KANSL1L: variants seen among roughly 807,000 people sequenced by gnomAD.
KANSL1L encodes KAT8 regulatory NSL complex subunit 1-like protein.
A neutral mutation model predicts 108.6 loss-of-function variants in KANSL1L; 25 were observed. The ratio of observed to expected loss-of-function variants is 0.23; its 90% CI spans 0.17 to 0.32. The LOEUF is 0.32. Ranked by LOEUF, KANSL1L falls within the 10% of genes least tolerant of loss-of-function variation. The probability of loss-of-function intolerance (pLI) is 1.00; values close to 1 mark genes in which losing one functional copy is unlikely to be tolerated. For missense variants in KANSL1L, 1,137 were observed against 1,125.7 expected (o/e 1.01, Z -0.14); for synonymous variants, 405 against 395.1 (o/e 1.03, Z -0.30).
At chr2:210,118,848 GAA>G (rs199816567) in intron 3 of KANSL1L, among the ~76,000 whole-genome samples, 17 of 120,590 alleles carry the variant, frequency 1.4e-4, no homozygotes, top group East Asian at 2.3e-4. Context: ...TGTCTCAAGA[GAA>G]AAAAAAAAAA....
At chr2:210,098,946 G>T (rs1306436250) in intron 4 of KANSL1L, among the ~76,000 whole-genome samples, 1 of 151,028 alleles carries the variant, frequency 6.6e-6, no homozygotes, top group African/African-American at 2.4e-5. Flanking sequence ...ATAAGCAAAG[G>T]CCACATAAAA....
At chr2:210,127,798 C>CAAAAAAAAA (rs55979027) in intron 3 of KANSL1L, among the ~76,000 whole-genome samples, 7 of 28,130 alleles carry the variant, frequency 2.5e-4, no homozygotes, top group East Asian at 1.0e-3. Flanking sequence ...GACTCTGCCT[C>CAAAAAAAAA]AAAAAAAAAA....
chr2:210,057,144 G>A (rs2094360402), intron 6 of KANSL1L, among the ~76,000 whole-genome samples: 1 of 152,164 alleles, frequency 6.6e-6, no homozygotes, highest in South Asian at 2.1e-4. Context: ...TTTCACACCT[G>A]TAATCCCAGC....
At position 210,044,435 on chromosome 2, in the gene KANSL1L, AG is replaced by A. The variant is rs1198674551; in HGVS notation, c.1756-332del. Among the ~76,000 whole-genome samples, 3 of 151,680 alleles carry A rather than the reference AG, an allele frequency of 2.0e-5. No homozygotes were observed. Among genetic ancestry groups the A allele is most frequent in the Non-Finnish European group, 2.9e-5 (2 of 67,956 alleles). On this transcript the variant is annotated intron_variant, in intron 6 of 14. Transcript: ENST00000281772. This position sits in a 1 kb window ranked among gnomAD's most constrained non-coding sequence, Gnocchi z 4.2. ...GTAATTTTTTTCCTTCAATCCTACTAGTTTTTTTTTTAGGGAGTTCCAACCA... is the reference window on the plus strand; with the variant it reads ...GTAATTTTTTTCCTTCAATCCTACTATTTTTTTTTTAGGGAGTTCCAACCA...
intron 1 of KANSL1L, among the ~76,000 whole-genome samples, chr2:210,163,639 C>A (rs558125511): frequency 1.2e-4 from 18 of 151,974 alleles, no homozygotes; most frequent in Non-Finnish European, 2.4e-4. Flanking sequence ...ATGTCAGACA[C>A]CAAACCACAT....
chr2:210,067,641 G>A (rs1210735082), intron 6 of KANSL1L, among the ~76,000 whole-genome samples: 1 of 146,980 alleles, frequency 6.8e-6, no homozygotes, highest in Non-Finnish European at 1.5e-5. Context: ...AGCCCTGGAG[G>A]TTGAGGCTGC....
chr2:210,053,822 T>C (rs548596699), intron 6 of KANSL1L, among the ~76,000 whole-genome samples: 1 of 152,064 alleles, frequency 6.6e-6, no homozygotes, highest in South Asian at 2.1e-4. Context: ...TATATATGTA[T>C]ATATCAGAAA....
At chr2:210,094,096 C>T (rs914395463) in intron 5 of KANSL1L, among the ~76,000 whole-genome samples, 10 of 151,988 alleles carry the variant, frequency 6.6e-5, no homozygotes, top group Middle Eastern at 3.4e-3. Context: ...TATAGAGTTT[C>T]AGTTTGAGAA....
intron 5 of KANSL1L, among the ~76,000 whole-genome samples, chr2:210,076,006 C>T (rs962419308): frequency 6.6e-6 from 1 of 152,038 alleles, no homozygotes; most frequent in African/African-American, 2.4e-5. Flanking sequence ...TTAGAAAATG[C>T]TCATGAGTTT....
At chr2:210,080,829 G>C (rs2094583872) in intron 5 of KANSL1L, among the ~76,000 whole-genome samples, 1 of 151,806 alleles carries the variant, frequency 6.6e-6, no homozygotes, top group Non-Finnish European at 1.5e-5. Flanking sequence ...GCTTGTGGCT[G>C]GGCATGGTGG....
chr2:210,053,566 T>C (rs767976217), intron 6 of KANSL1L, among the ~76,000 whole-genome samples: 3 of 152,006 alleles, frequency 2.0e-5, no homozygotes, highest in Non-Finnish European at 4.4e-5. Flanking sequence ...CACTGCACTC[T>C]AGCGTGGGAA....
intron 6 of KANSL1L, among the ~76,000 whole-genome samples, chr2:210,070,071 C>T (rs929143851): frequency 2.6e-5 from 4 of 151,062 alleles, no homozygotes; most frequent in Non-Finnish European, 5.9e-5. Context: ...TCAAATGATC[C>T]GCCTTCCTCA....
chr2:210,124,418 C>T (rs1247487662), intron 3 of KANSL1L, among the ~76,000 whole-genome samples: 1 of 151,402 alleles, frequency 6.6e-6, no homozygotes, highest in Non-Finnish European at 1.5e-5. Flanking sequence ...GTAGAAATTA[C>T]AAGAAAAATT....
chr2:210,129,742 C>T (rs1015551213), intron 2 of KANSL1L, among the ~76,000 whole-genome samples: 2 of 151,774 alleles, frequency 1.3e-5, no homozygotes, highest in Admixed American at 1.3e-4. Context: ...ATAAGCATAC[C>T]AAATATATAG....
chr2:210,092,706 T>C (rs2094702534), intron 5 of KANSL1L, among the ~76,000 whole-genome samples: 1 of 152,234 alleles, frequency 6.6e-6, no homozygotes, highest in Non-Finnish European at 1.5e-5. Context: ...TGTTTGATTA[T>C]ATTTGCCTGT....
intron 8 of KANSL1L, among the ~76,000 whole-genome samples, chr2:210,036,286 A>G (rs2094102820): frequency 6.6e-6 from 1 of 152,076 alleles, no homozygotes; most frequent in South Asian, 2.1e-4. Context: ...GGCTCAAGCA[A>G]TCCTCCTGCT....
chr2:210,093,017 T>A (rs2094705864), intron 5 of KANSL1L, among the ~76,000 whole-genome samples: 1 of 152,218 alleles, frequency 6.6e-6, no homozygotes, highest in African/African-American at 2.4e-5. Context: ...CAGTTTTACT[T>A]CCAATGTACC....
At chr2:210,061,436 CAAG>C (rs1205893324) in intron 6 of KANSL1L, among the ~76,000 whole-genome samples, 2 of 152,102 alleles carry the variant, frequency 1.3e-5, no homozygotes, top group African/African-American at 4.8e-5. Context: ...TAAAGACTAT[CAAG>C]AAGGAGCTGA....
intron 5 of KANSL1L, among the ~76,000 whole-genome samples, chr2:210,090,145 TG>T (rs1237300647): frequency 6.6e-6 from 1 of 152,248 alleles, no homozygotes; most frequent in Non-Finnish European, 1.5e-5. Flanking sequence ...ACAATATCAA[TG>T]GCTAACATTA....
Sources: gnomAD v4.1 joint callset for allele counts (sites outside exome capture counted in the v4.1 genomes callset) on GRCh38, gnomAD v4.1.1 for gene constraint, Gnocchi (gnomAD v3.1) non-coding constraint, MANE v1.5 for transcripts, NCBI Gene and HGNC (gene_info 2026-07-23, HGNC 2026-07-21) for gene names.